PEAK1: variants seen among roughly 807,000 people sequenced by gnomAD.
The protein encoded by PEAK1 is inactive tyrosine-protein kinase PEAK1.
In PEAK1, 54 loss-of-function variants were observed where a neutral mutation model predicts 124.7. The ratio of observed to expected loss-of-function variants is 0.43; its 90% CI spans 0.35 to 0.54. The LOEUF (loss-of-function observed/expected upper bound fraction) is 0.54, where lower values mean the gene tolerates loss of function less well. Among genes scored for constraint, PEAK1 ranks in the 20% least tolerant of loss-of-function variants. The pLI is 0.01. For missense variants in PEAK1, 2,046 were observed against 2,134.5 expected (o/e 0.96, Z 0.82); for synonymous variants, 719 against 760.0 (o/e 0.95, Z 0.89).
chr15:77,405,510 T>C (rs1392258135), intron 1 of PEAK1, among the ~76,000 whole-genome samples: 1 of 152,172 alleles, frequency 6.6e-6, no homozygotes, highest in Admixed American at 6.5e-5. Context: ...TGTGGTATAA[T>C]ATGTAATATC....
intron 1 of PEAK1, among the ~76,000 whole-genome samples, chr15:77,408,533 TA>T (rs1401735143): frequency 6.7e-6 from 1 of 149,478 alleles, no homozygotes. Flanking sequence ...ACCTATGAAA[TA>T]AAAATTTAAA....
intron 6 of PEAK1, among the ~76,000 whole-genome samples, chr15:77,239,107 C>A (rs1055550387): frequency 6.6e-6 from 1 of 152,160 alleles, no homozygotes; most frequent in African/African-American, 2.4e-5. Flanking sequence ...GAGGTTGCAG[C>A]ATGTTCTCAA....
chr15:77,346,806 G>T, intron 2 of PEAK1: 1 of 893,052 alleles, frequency 1.1e-6, no homozygotes, highest in South Asian at 5.2e-5. Context: ...GCCTATTATG[G>T]CAGACACTAC....
At chr15:77,322,713 G>A (rs1351188188) in intron 2 of PEAK1, among the ~76,000 whole-genome samples, 6 of 152,278 alleles carry the variant, frequency 3.9e-5, no homozygotes, top group African/African-American at 1.4e-4. Flanking sequence ...AGGAGGAGCT[G>A]GTACCATTCC....
chr15:77,368,831 C>T (rs192064744), intron 1 of PEAK1, among the ~76,000 whole-genome samples: 240 of 152,264 alleles, frequency 1.6e-3, no homozygotes, highest in African/African-American at 5.6e-3. Flanking sequence ...TATGCACTAA[C>T]TTCTCATGAC....
chr15:77,364,469 T>C (rs1343451973), intron 2 of PEAK1, among the ~76,000 whole-genome samples: 2 of 152,166 alleles, frequency 1.3e-5, no homozygotes, highest in African/African-American at 4.8e-5. Flanking sequence ...CAGGCTGACA[T>C]TTTTTTAAAG....
rs760436165 is a variant in PEAK1, at chr15:77,114,344, C to G, written c.5053G>C (p.Val1685Leu). 1.2e-6 allele frequency: 2 copies of G among 1,614,070 alleles called. No homozygotes were observed. Among genetic ancestry groups the G allele is most frequent in the South Asian group, 1.1e-5 (1 of 91,082 alleles). Residue 1685 changes from valine (V) to leucine (L), a missense_variant, in exon 10 of 10, where the codon GTA (valine) becomes CTA (leucine). Physicochemically the swap from Val to Leu is conservative, Grantham distance 32 (BLOSUM62 1). Coordinates refer to ENST00000682557, the MANE Select transcript of PEAK1 (RefSeq NM_001385026.1). ...TTTTGGAGCAGGGTGTTCCTCTGTA[C>G]TAGGCTAGGGCAGGCGGTGAAAGTC... ...FQTFTACPSL[V>L]QRNTLLQNWL...
At chr15:77,373,873 A>C (rs1025072005) in intron 1 of PEAK1, among the ~76,000 whole-genome samples, 5 of 152,206 alleles carry the variant, frequency 3.3e-5, no homozygotes, top group African/African-American at 7.2e-5. Context: ...TGTCAAAACT[A>C]TGCAGACAAT....
At chr15:77,233,210 C>T (rs2059981301) in intron 6 of PEAK1, among the ~76,000 whole-genome samples, 1 of 152,146 alleles carries the variant, frequency 6.6e-6, no homozygotes, top group Non-Finnish European at 1.5e-5. Context: ...TAAAGCAAAA[C>T]TACTTAAAAA....
rs752411360 is a variant in PEAK1 at position 77,179,298 on chromosome 15, A to T, written c.2629T>A (p.Ser877Thr). ...AGGTTACCTGCATGGTAAGGAGAAG[A>T]AGTAGAGCGTGGCGGGGGAAAGGGA... ...PAPFPPPRST[S>T]SPYHAGNLLQ... Residue 877 changes from serine (S) to threonine (T), a missense_variant, in exon 7 of 10, where the codon TCT (serine) becomes ACT (threonine). By Grantham distance (58) the Ser-to-Thr change is moderately conservative (BLOSUM62 1). Coordinates refer to ENST00000682557, the MANE Select transcript of PEAK1 (RefSeq NM_001385026.1). 3.8e-5 allele frequency: 62 copies of T among 1,613,950 alleles called. No individual in the cohort carries two copies. The highest frequency in any genetic ancestry group is 4.7e-5 in the Non-Finnish European group (56 of 1,179,980).
At chr15:77,371,748 T>A (rs2068657445) in intron 1 of PEAK1, among the ~76,000 whole-genome samples, 1 of 152,054 alleles carries the variant, frequency 6.6e-6, no homozygotes. Context: ...ATTAGCTAGG[T>A]GCAGTGGCAC....
At chr15:77,393,527 C>G (rs547752639) in intron 1 of PEAK1, among the ~76,000 whole-genome samples, 4 of 152,290 alleles carry the variant, frequency 2.6e-5, no homozygotes, top group African/African-American at 7.2e-5. Context: ...CACTCTGAGC[C>G]AGAAGAGAAC....
At chr15:77,225,985 G>GAAAAA (rs1297523956) in intron 6 of PEAK1, among the ~76,000 whole-genome samples, 1 of 116,356 alleles carries the variant, frequency 8.6e-6, no homozygotes, top group Non-Finnish European at 1.8e-5. Context: ...CCTTAACCAA[G>GAAAAA]AAAAAAAAAT....
Position 77,113,747 on chromosome 15 carries a change from C to T in PEAK1, c.*409G>A, listed in dbSNP as rs752844774. On this transcript the variant is annotated 3_prime_UTR_variant, in exon 10 of 10. Coordinates refer to ENST00000682557, the MANE Select transcript of PEAK1 (RefSeq NM_001385026.1). ...CGTGGTAGAGACTGGTTAAGTCTGTCTACTGCTAGTGAGAATAAATACTTG... is the reference window on the plus strand; with the variant it reads ...CGTGGTAGAGACTGGTTAAGTCTGTTTACTGCTAGTGAGAATAAATACTTG... 3.6e-5 allele frequency: 7 copies of T among 193,928 alleles called. No homozygotes were observed. Among genetic ancestry groups the T allele is most frequent in the Non-Finnish European group, 6.4e-5 (6 of 93,298 alleles). 12.0% of individuals were successfully genotyped at this position (193,928 alleles called of 1,614,324 possible).
At chr15:77,401,368 T>C (rs1351751537) in intron 1 of PEAK1, among the ~76,000 whole-genome samples, 1 of 152,212 alleles carries the variant, frequency 6.6e-6, no homozygotes, top group Non-Finnish European at 1.5e-5. Flanking sequence ...TTGCTGGCAA[T>C]TTAAGCAGTG....
chr15:77,178,503 C>T (rs1205561443), intron 7 of PEAK1: 2 of 422,656 alleles, frequency 4.7e-6, no homozygotes, highest in Non-Finnish European at 4.2e-6. Flanking sequence ...TTATTTATTG[C>T]TATTAAGGTG....
At chr15:77,277,655 G>C (rs1300045753) in intron 5 of PEAK1, among the ~76,000 whole-genome samples, 1 of 151,974 alleles carries the variant, frequency 6.6e-6, no homozygotes, top group Non-Finnish European at 1.5e-5. Context: ...TCACTAATAG[G>C]ATCACCATAC....
At chr15:77,153,735 A>T (rs1267914954) in intron 8 of PEAK1, among the ~76,000 whole-genome samples, 1 of 152,030 alleles carries the variant, frequency 6.6e-6, no homozygotes, top group Non-Finnish European at 1.5e-5. Flanking sequence ...CCTTCATTTC[A>T]TTATGTACCC....
At chr15:77,325,150 G>A (rs1361155680) in intron 2 of PEAK1, among the ~76,000 whole-genome samples, 1 of 152,214 alleles carries the variant, frequency 6.6e-6, no homozygotes, top group Non-Finnish European at 1.5e-5. Context: ...TGGGTGTGGT[G>A]GCTCATGCCT....
Sources: gnomAD v4.1 joint callset for allele counts (sites outside exome capture counted in the v4.1 genomes callset) on GRCh38, gnomAD v4.1.1 for gene constraint, MANE v1.5 for transcripts, NCBI Gene and HGNC (gene_info 2026-07-23, HGNC 2026-07-21) for gene names.